The following SNTB1 variants were observed in gnomAD, a reference collection of about 807,000 sequenced individuals.
The protein encoded by SNTB1 is syntrophin beta 1.
SNTB1 carries 36 observed loss-of-function variants against 48.9 expected under a neutral mutation model. The observed-to-expected ratio is 0.74, with a 90% CI of 0.56 to 0.97. The LOEUF (loss-of-function observed/expected upper bound fraction) is 0.97. SNTB1 is among the 50% of genes least tolerant of loss of function. The probability of loss-of-function intolerance (pLI) is 0.00; values close to 1 mark genes in which losing one functional copy is unlikely to be tolerated. For missense variants in SNTB1, 786 were observed against 703.4 expected (o/e 1.12, Z -1.33); for synonymous variants, 299 against 294.6 (o/e 1.01, Z -0.15).
chr8:120,804,843 T>C (rs948433804), intron 1 of SNTB1, among the ~76,000 whole-genome samples: 4 of 152,172 alleles, frequency 2.6e-5, no homozygotes, highest in South Asian at 2.1e-4. Context: ...GACTCTTTCT[T>C]AGGCTACCTG....
intron 1 of SNTB1, among the ~76,000 whole-genome samples, chr8:120,806,285 T>TG (rs1820336342): frequency 6.6e-6 from 1 of 152,190 alleles, no homozygotes; most frequent in Admixed American, 6.5e-5. Context: ...CTGGAACACC[T>TG]GGGGTAGTCC....
chr8:120,656,863 A>G (rs777791239), intron 2 of SNTB1, among the ~76,000 whole-genome samples: 14 of 152,246 alleles, frequency 9.2e-5, no homozygotes, highest in Non-Finnish European at 1.6e-4. Flanking sequence ...CATAAAGTAC[A>G]TGAGTTAGAA....
intron 1 of SNTB1, among the ~76,000 whole-genome samples, chr8:120,795,982 T>C (rs540334212): frequency 1.3e-5 from 2 of 152,162 alleles, no homozygotes; most frequent in Non-Finnish European, 2.9e-5. Context: ...TGACATAGTT[T>C]GAATCTGTGC....
intron 2 of SNTB1, among the ~76,000 whole-genome samples, chr8:120,644,708 T>G (rs1051715815): frequency 1.3e-5 from 2 of 151,420 alleles, no homozygotes; most frequent in African/African-American, 4.8e-5. Context: ...AAATGGTATT[T>G]CCAGTTCTAG....
chr8:120,780,577 C>T (rs957267517), intron 1 of SNTB1, among the ~76,000 whole-genome samples: 1 of 152,178 alleles, frequency 6.6e-6, no homozygotes, highest in Non-Finnish European at 1.5e-5. Context: ...CCAGAAAAAT[C>T]TGAATTGCAG....
chr8:120,565,565 A>C (rs1247376284), intron 4 of SNTB1, among the ~76,000 whole-genome samples: 1 of 152,208 alleles, frequency 6.6e-6, no homozygotes, highest in East Asian at 1.9e-4. Flanking sequence ...AATACCAGGG[A>C]AAATGCTAGA....
At chr8:120,685,828 C>T (rs943873592) in intron 2 of SNTB1, among the ~76,000 whole-genome samples, 1 of 152,162 alleles carries the variant, frequency 6.6e-6, no homozygotes, top group Non-Finnish European at 1.5e-5. Context: ...CAGGAGAAGC[C>T]ATGCCACACC....
intron 3 of SNTB1, among the ~76,000 whole-genome samples, chr8:120,624,773 C>T (rs909506970): frequency 3.3e-5 from 5 of 152,202 alleles, no homozygotes; most frequent in Non-Finnish European, 5.9e-5. Context: ...CAAATTCCCT[C>T]CAGCTGTGAG....
intron 1 of SNTB1, among the ~76,000 whole-genome samples, chr8:120,799,862 A>T (rs1460154630): frequency 1.3e-5 from 2 of 152,016 alleles, no homozygotes; most frequent in Non-Finnish European, 1.5e-5. Context: ...TGTCCTAAAA[A>T]CTTGACACCT....
intron 3 of SNTB1, among the ~76,000 whole-genome samples, chr8:120,612,353 G>T (rs1050339555): frequency 1.3e-5 from 2 of 152,124 alleles, no homozygotes; most frequent in African/African-American, 4.8e-5. Flanking sequence ...GCTTGCCCAG[G>T]TCACAAGGCT....
intron 1 of SNTB1, among the ~76,000 whole-genome samples, chr8:120,785,736 G>A (rs1819913905): frequency 6.6e-6 from 1 of 152,162 alleles, no homozygotes; most frequent in African/African-American, 2.4e-5. Context: ...CCTACTCTGG[G>A]AAACACAAGG....
At chr8:120,689,321 G>T (rs995739513) in intron 2 of SNTB1, among the ~76,000 whole-genome samples, 1 of 152,146 alleles carries the variant, frequency 6.6e-6, no homozygotes, top group African/African-American at 2.4e-5. Context: ...CCTGGCCAAG[G>T]TGCTTATAGT....
At chr8:120,683,961 T>C (rs950610947) in intron 2 of SNTB1, among the ~76,000 whole-genome samples, 1 of 152,220 alleles carries the variant, frequency 6.6e-6, no homozygotes. Context: ...AATGTCTTAG[T>C]CTGTTAGGTA....
At position 120,769,131 on chromosome 8, in the gene SNTB1, G is replaced by C. The variant is rs369437842; in HGVS notation, c.571+42142C>G. The stretch of plus-strand genomic sequence containing the variant: ...TGTGGATCAGCCAGTTTAGACCCAG[G>C]GTCCCTCTATTTGAAATTCAGGGCA... On this transcript the variant is annotated intron_variant, in intron 1 of 6. Coordinates refer to ENST00000517992, the MANE Select transcript of SNTB1 (RefSeq NM_021021.4). The C allele has an allele frequency of 1.4e-4, 22 of 152,078 alleles. No homozygotes were observed. In the East Asian group the frequency reaches 3.9e-3, roughly 27 times the overall value. 9.4% of individuals were successfully genotyped at this position (152,078 alleles called of 1,614,324 possible). A position where few individuals can be genotyped will look rare whatever the true frequency, so the allele number is the denominator to read the frequency against.
chr8:120,551,098 A>G (rs1040367370), intron 4 of SNTB1, among the ~76,000 whole-genome samples: 4 of 152,096 alleles, frequency 2.6e-5, no homozygotes, highest in Admixed American at 2.6e-4. Context: ...TGTACTAAAA[A>G]TACAAAAATT....
At chr8:120,579,287 C>T (rs1816004821) in intron 3 of SNTB1, among the ~76,000 whole-genome samples, 1 of 152,196 alleles carries the variant, frequency 6.6e-6, no homozygotes, top group South Asian at 2.1e-4. Context: ...CCCTCTGAGA[C>T]TTTATGTCTT....
chr8:120,641,456 T>C (rs190159885), intron 2 of SNTB1, among the ~76,000 whole-genome samples: 60 of 152,274 alleles, frequency 3.9e-4, no homozygotes, highest in African/African-American at 1.4e-3. Context: ...TCCACAGGTA[T>C]TACACAAACA....
intron 3 of SNTB1, among the ~76,000 whole-genome samples, chr8:120,619,391 C>T (rs753817733): frequency 1.4e-4 from 21 of 151,928 alleles, no homozygotes; most frequent in Non-Finnish European, 2.2e-4. Context: ...AATTGATTTA[C>T]GTTAACTCTG....
chr8:120,556,318 G>A (rs1242909567), intron 4 of SNTB1, among the ~76,000 whole-genome samples: 1 of 152,118 alleles, frequency 6.6e-6, no homozygotes, highest in Non-Finnish European at 1.5e-5. Flanking sequence ...CTCCTCACTG[G>A]AGCAACCCGA....
Sources: allele counts gnomAD v4.1 joint callset (sites outside exome capture counted in the v4.1 genomes callset), GRCh38; gene constraint gnomAD v4.1.1; transcripts MANE v1.5; gene names NCBI Gene and HGNC (gene_info 2026-07-23, HGNC 2026-07-21).